Variants in OSBP2 observed in about 807,000 individuals in gnomAD.
OSBP2 encodes oxysterol binding protein 2.
A neutral mutation model predicts 96.0 loss-of-function variants in OSBP2; 66 were observed. The observed-to-expected ratio is 0.69, with a 90% CI of 0.56 to 0.84. The LOEUF (loss-of-function observed/expected upper bound fraction) is 0.84. Ranked by LOEUF, OSBP2 falls within the 40% of genes least tolerant of loss-of-function variation. The pLI is 0.00. For missense variants in OSBP2, 1,038 were observed against 1,222.7 expected (o/e 0.85, Z 2.25); for synonymous variants, 525 against 520.9 (o/e 1.01, Z -0.11).
chr22:30,781,362 G>A (rs960072628), intron 2 of OSBP2, among the ~76,000 whole-genome samples: 2 of 151,982 alleles, frequency 1.3e-5, no homozygotes, highest in Admixed American at 1.3e-4. Context: ...CAGCAGCCCT[G>A]CTCCCCCCAC....
At chr22:30,884,607 G>A (rs1569165023) in intron 3 of OSBP2, among the ~76,000 whole-genome samples, 2 of 152,172 alleles carry the variant, frequency 1.3e-5, no homozygotes, top group South Asian at 4.1e-4. Context: ...AGGAGGGCTT[G>A]TTCAAGGAGT....
intron 2 of OSBP2, among the ~76,000 whole-genome samples, chr22:30,859,013 C>G (rs2039150177): frequency 6.6e-6 from 1 of 152,000 alleles, no homozygotes; most frequent in Admixed American, 6.6e-5. Flanking sequence ...GAGCGTCAAC[C>G]AGGCAGATGC....
At chr22:30,772,885 TG>T (rs1344729033) in intron 2 of OSBP2, among the ~76,000 whole-genome samples, 2 of 151,410 alleles carry the variant, frequency 1.3e-5, no homozygotes, top group African/African-American at 4.9e-5. Context: ...CTCCGTCTCC[TG>T]GGTTCAAGCA....
intron 2 of OSBP2, among the ~76,000 whole-genome samples, chr22:30,843,453 C>CCA (rs1555919412): frequency 6.1e-5 from 9 of 148,310 alleles, no homozygotes; most frequent in Admixed American, 4.0e-4. Context: ...TTCCCCCCTC[C>CCA]CCCTTGAGCA....
intron 13 of OSBP2, 63 bp downstream of exon 13, chr22:30,906,132 C>T (rs2040331977): frequency 1.2e-6 from 2 of 1,610,656 alleles, no homozygotes; most frequent in African/African-American, 2.7e-5. Flanking sequence ...GGGGGTGCCG[C>T]AGGGACGGAT....
intron 2 of OSBP2, among the ~76,000 whole-genome samples, chr22:30,792,297 A>G (rs1414040709): frequency 1.3e-5 from 2 of 151,936 alleles, no homozygotes; most frequent in Non-Finnish European, 2.9e-5. Context: ...TGGGCGACAG[A>G]GCGAGACTCT....
intron 2 of OSBP2, among the ~76,000 whole-genome samples, chr22:30,855,679 G>A (rs1201564948): frequency 6.6e-6 from 1 of 152,084 alleles, no homozygotes; most frequent in African/African-American, 2.4e-5. Flanking sequence ...GCTAATCAGA[G>A]CCTGTCTCTT....
chr22:30,885,390 G>T (rs1198373525), intron 3 of OSBP2, among the ~76,000 whole-genome samples: 1 of 152,204 alleles, frequency 6.6e-6, no homozygotes, highest in African/African-American at 2.4e-5. Context: ...GCTGAAGCCT[G>T]AGCCATCCTC....
intron 1 of OSBP2, among the ~76,000 whole-genome samples, chr22:30,704,479 G>A (rs139280812): frequency 8.7e-4 from 132 of 151,842 alleles, no homozygotes; most frequent in Middle Eastern, 3.5e-3. Context: ...CTTCTGTTTG[G>A]CACGTACCCA....
intron 2 of OSBP2, among the ~76,000 whole-genome samples, chr22:30,812,553 T>A (rs2091023825): frequency 6.6e-6 from 1 of 152,216 alleles, no homozygotes; most frequent in African/African-American, 2.4e-5. Flanking sequence ...ATTCTTCACA[T>A]GTTGTTACTA....
Position 30,870,447 on chromosome 22 carries a change from A to G in OSBP2, c.872A>G (p.Asp291Gly). 1 of 1,613,928 alleles carries G rather than the reference A, an allele frequency of 6.2e-7. No individual in the cohort carries two copies. The highest frequency in any genetic ancestry group is 8.5e-7 in the Non-Finnish European group (1 of 1,180,020). ...TCCACAGATGACTCTGGGGACGACG[A>G]CGAGGCTACCACCCCAGCCGACAAG... ...NTHSDDSGDD[D>G]EATTPADKSE... Residue 291 changes from aspartate (D) to glycine (G), a missense_variant, in exon 3 of 14, where the codon GAC (aspartate) becomes GGC (glycine). Coordinates refer to ENST00000332585, the MANE Select transcript of OSBP2 (RefSeq NM_030758.4). This position sits in a 1 kb window ranked among gnomAD's most constrained non-coding sequence, Gnocchi z 4.1.
chr22:30,868,725 A>G (rs924705396), intron 2 of OSBP2, among the ~76,000 whole-genome samples: 1 of 152,102 alleles, frequency 6.6e-6, no homozygotes, highest in South Asian at 2.1e-4. Flanking sequence ...CCAGAGGGGG[A>G]CAGGGTATGC....
At chr22:30,860,678 AGTG>A (rs1485766850) in intron 2 of OSBP2, among the ~76,000 whole-genome samples, 1 of 152,182 alleles carries the variant, frequency 6.6e-6, no homozygotes, top group Non-Finnish European at 1.5e-5. Context: ...AGGGTGAGTG[AGTG>A]AGCCCACCAC....
At chr22:30,887,395 G>A (rs2039835625) in intron 3 of OSBP2, 31 bp from the exon 4 acceptor site, 1 of 1,592,020 alleles carries the variant, frequency 6.3e-7, no homozygotes, top group Non-Finnish European at 8.6e-7. Context: ...CCAGAGGCCA[G>A]GGTCTCATAC....
chr22:30,771,134 G>T (rs2090342180), intron 2 of OSBP2, among the ~76,000 whole-genome samples: 1 of 152,198 alleles, frequency 6.6e-6, no homozygotes, highest in Non-Finnish European at 1.5e-5. Flanking sequence ...AGCCTTCCAT[G>T]ACCACCTCTA....
At chr22:30,839,910 TC>T (rs1324210167) in intron 2 of OSBP2, among the ~76,000 whole-genome samples, 4 of 152,090 alleles carry the variant, frequency 2.6e-5, no homozygotes, top group Non-Finnish European at 4.4e-5. Context: ...GACATGAAGT[TC>T]TTGCCCATGC....
At chr22:30,697,515 G>T (rs2089067569) in intron 1 of OSBP2, among the ~76,000 whole-genome samples, 1 of 152,142 alleles carries the variant, frequency 6.6e-6, no homozygotes, top group African/African-American at 2.4e-5. Flanking sequence ...TTGACCTCAT[G>T]ATCTGCCCGT....
At chr22:30,758,540 C>T (rs995850482) in intron 2 of OSBP2, among the ~76,000 whole-genome samples, 1 of 152,140 alleles carries the variant, frequency 6.6e-6, no homozygotes, top group Non-Finnish European at 1.5e-5. Context: ...ACAATTTTTT[C>T]CCTCCAGTAT....
intron 1 of OSBP2, among the ~76,000 whole-genome samples, chr22:30,716,185 G>A (rs1260197478): frequency 6.6e-6 from 1 of 151,482 alleles, no homozygotes; most frequent in Admixed American, 6.6e-5. Flanking sequence ...GTGATTACAG[G>A]TGCCTGCCAC....
Sources: allele counts gnomAD v4.1 joint callset (sites outside exome capture counted in the v4.1 genomes callset), GRCh38; gene constraint gnomAD v4.1.1; non-coding constraint Gnocchi (gnomAD v3.1); transcripts MANE v1.5; gene names NCBI Gene and HGNC (gene_info 2026-07-23, HGNC 2026-07-21).